The following KCNH5 variants were observed in gnomAD, a reference collection of about 807,000 sequenced individuals.
KCNH5 encodes voltage-gated delayed rectifier potassium channel KCNH5.
KCNH5 carries 46 observed loss-of-function variants against 96.1 expected under a neutral mutation model. The observed-to-expected ratio is 0.48, with a 90% CI of 0.38 to 0.61. KCNH5 has a LOEUF of 0.61. Among genes scored for constraint, KCNH5 ranks in the 20% least tolerant of loss-of-function variants. The pLI, the probability that KCNH5 is intolerant of heterozygous loss-of-function variation, is 0.00. For missense variants in KCNH5, 907 were observed against 1,225.8 expected (o/e 0.74, Z 3.88); for synonymous variants, 439 against 449.8 (o/e 0.98, Z 0.30).
At chr14:62,913,233 CT>C (rs921070652) in intron 7 of KCNH5, among the ~76,000 whole-genome samples, 20 of 146,910 alleles carry the variant, frequency 1.4e-4, no homozygotes, top group East Asian at 4.0e-4. Context: ...AAATGTGAAA[CT>C]TTTTTTTTTT....
rs371653181 is a variant in KCNH5 at position 62,733,271 on chromosome 14, T to C, written c.2020-24816A>G. 4.3e-4 allele frequency among the ~76,000 whole-genome samples: 65 copies of C among 152,238 alleles called. No individual in the cohort carries two copies. In the East Asian group the frequency reaches 9.9e-3, roughly 23 times the overall value. On this transcript the variant is annotated intron_variant, in intron 10 of 10. Transcript: ENST00000322893. ...ACCCTAATCCTCACTGTGATGGTAT[T>C]TGAAGACGAATTAGTCCATGAGGGT... is the stretch of plus-strand genomic sequence containing the variant.
chr14:63,007,203 T>C (rs1891143484), intron 2 of KCNH5, among the ~76,000 whole-genome samples: 1 of 152,138 alleles, frequency 6.6e-6, no homozygotes, highest in South Asian at 2.1e-4. Context: ...GGATGAAGGT[T>C]TCCCAGAGGA....
At chr14:62,836,884 G>C (rs10130817) in intron 8 of KCNH5, among the ~76,000 whole-genome samples, 15,278 of 152,126 alleles carry the variant, frequency 0.1, 1,058 homozygotes, top group East Asian at 0.29. Context: ...AGTGATTTAG[G>C]GCAGAGGGCA....
chr14:62,894,694 CA>C (rs1408788301), intron 7 of KCNH5, among the ~76,000 whole-genome samples: 10 of 152,172 alleles, frequency 6.6e-5, no homozygotes, highest in Admixed American at 6.5e-4. Flanking sequence ...GAATTACAAG[CA>C]AAAGGTTAAT....
At chr14:62,740,782 C>T (rs1885255766) in intron 10 of KCNH5, among the ~76,000 whole-genome samples, 1 of 152,058 alleles carries the variant, frequency 6.6e-6, no homozygotes, top group African/African-American at 2.4e-5. Context: ...TTGGATAGTA[C>T]TTAGTAAGAA....
At chr14:62,867,468 C>A (rs1888156868) in intron 7 of KCNH5, among the ~76,000 whole-genome samples, 1 of 152,076 alleles carries the variant, frequency 6.6e-6, no homozygotes, top group Non-Finnish European at 1.5e-5. Context: ...AATGTTTTTC[C>A]AAAAAATCAT....
chr14:62,877,750 C>T (rs1423836102), intron 7 of KCNH5, among the ~76,000 whole-genome samples: 2 of 151,796 alleles, frequency 1.3e-5, no homozygotes, highest in Non-Finnish European at 2.9e-5. Context: ...GTTGGTGGGA[C>T]TGTAAACTAG....
At chr14:62,969,169 A>G (rs1890356980) in intron 6 of KCNH5, among the ~76,000 whole-genome samples, 1 of 152,182 alleles carries the variant, frequency 6.6e-6, no homozygotes, top group Non-Finnish European at 1.5e-5. Context: ...AACACGAGTC[A>G]AAGAAGAAAT....
chr14:63,010,001 A>C (rs1016545508), intron 2 of KCNH5, among the ~76,000 whole-genome samples: 1 of 152,224 alleles, frequency 6.6e-6, no homozygotes, highest in Non-Finnish European at 1.5e-5. Context: ...ATATTTTTAA[A>C]ATCACAAAAC....
At chr14:63,003,624 A>ATATATATAT (rs1491457497) in intron 3 of KCNH5, among the ~76,000 whole-genome samples, 1 of 92,850 alleles carries the variant, frequency 1.1e-5, no homozygotes, top group African/African-American at 4.7e-5. Flanking sequence ...ATATATATAT[A>ATATATATAT]TTTTTTTTTT....
At chr14:63,043,348 C>T (rs1293540744) in intron 1 of KCNH5, among the ~76,000 whole-genome samples, 1 of 152,010 alleles carries the variant, frequency 6.6e-6, no homozygotes, top group East Asian at 1.9e-4. Context: ...TCTCATAGAC[C>T]AAATTGCGTG....
intron 8 of KCNH5, among the ~76,000 whole-genome samples, chr14:62,817,228 T>C (rs937532050): frequency 1.5e-5 from 2 of 132,128 alleles, no homozygotes; most frequent in Non-Finnish European, 3.2e-5. Context: ...ATATATAATA[T>C]AATACATATA....
rs112325024 is a variant in KCNH5 at position 62,878,984 on chromosome 14, A to G, written c.1370-29132T>C. On this transcript the variant is annotated intron_variant, in intron 7 of 10. Transcript: ENST00000322893. ...AGATGCTGTCTCCAAACACGGTTGC[A>G]TTTTGAGGTACTGGGAACTTCGATG... 2.4e-4 allele frequency among the ~76,000 whole-genome samples: 37 copies of G among 152,264 alleles called. 2 individuals carry two copies. Among genetic ancestry groups the G allele is most frequent in the African/African-American group, 7.7e-4 (32 of 41,568 alleles).
At chr14:62,923,215 T>G (rs138512845) in intron 7 of KCNH5, among the ~76,000 whole-genome samples, 1 of 151,854 alleles carries the variant, frequency 6.6e-6, no homozygotes, top group East Asian at 1.9e-4. Flanking sequence ...AGCAATCCCA[T>G]TCACAATAGC....
intron 10 of KCNH5, among the ~76,000 whole-genome samples, chr14:62,779,168 A>G (rs141672067): frequency 1.4e-4 from 21 of 152,352 alleles, no homozygotes; most frequent in African/African-American, 5.1e-4. Flanking sequence ...CTCATTGGCT[A>G]CAAAATGGCA....
intron 7 of KCNH5, among the ~76,000 whole-genome samples, chr14:62,854,949 C>T (rs1247455997): frequency 6.6e-6 from 1 of 150,404 alleles, no homozygotes; most frequent in African/African-American, 2.4e-5. Context: ...ATTCTGATCC[C>T]TTGAATGTAG....
chr14:62,888,345 G>A (rs1004616640), intron 7 of KCNH5, among the ~76,000 whole-genome samples: 4 of 152,148 alleles, frequency 2.6e-5, no homozygotes, highest in African/African-American at 4.8e-5. Context: ...AATTATGAGA[G>A]TGTATATTCT....
chr14:62,870,684 G>C (rs1241694048), intron 7 of KCNH5, among the ~76,000 whole-genome samples: 1 of 152,020 alleles, frequency 6.6e-6, no homozygotes, highest in Non-Finnish European at 1.5e-5. Flanking sequence ...ATAAGGCATA[G>C]TTTTAATACA....
At chr14:62,848,081 A>G (rs760618678) in intron 8 of KCNH5, among the ~76,000 whole-genome samples, 1 of 152,202 alleles carries the variant, frequency 6.6e-6, no homozygotes, top group Non-Finnish European at 1.5e-5. Flanking sequence ...ACTCTTTTCA[A>G]ATACGTAAAA....
Sources: allele counts gnomAD v4.1 joint callset (sites outside exome capture counted in the v4.1 genomes callset), GRCh38; gene constraint gnomAD v4.1.1; transcripts MANE v1.5; gene names NCBI Gene and HGNC (gene_info 2026-07-23, HGNC 2026-07-21).